MYPN: variants seen among roughly 807,000 people sequenced by gnomAD.
MYPN encodes the protein sarcomeric protein myopalladin, 145 kDa (MYOP).
A neutral mutation model predicts 129.4 loss-of-function variants in MYPN; 63 were observed. The observed-to-expected ratio is 0.49, with a 90% CI of 0.40 to 0.60. MYPN has a LOEUF of 0.60. Ranked by LOEUF, MYPN falls within the 20% of genes least tolerant of loss-of-function variation. The pLI is 0.00. For synonymous variants in MYPN, 629 were observed against 600.9 expected, an observed-to-expected ratio of 1.05 and a Z score of -0.68; for missense variants, 1,596 against 1,635.4, an observed-to-expected ratio of 0.98 and a Z score of 0.42.
chr10:68,148,426 C>T lies in MYPN; in HGVS notation c.1204C>T (p.Gln402Ter), dbSNP rs1187427685. Residue 402 changes from glutamine (Q) to a stop codon, truncating the protein, a stop_gained, in exon 5 of 20, where the codon CAG becomes TAG. Transcript: ENST00000358913. LOFTEE classifies it high-confidence loss of function. ...CATTCCTCCAGCAGTACCCCAAGCC[C>T]AGCATTTGGTGGCCCAACCTCGTGT... The part of the protein sequence containing the change: ...AVIPPAVPQA[Q>*]HLVAQPRVAT... The T allele has an allele frequency of 7.4e-6, 12 of 1,614,178 alleles. No individual in the cohort carries two copies. Among genetic ancestry groups the T allele is most frequent in the Non-Finnish European group, 1.0e-5 (12 of 1,180,000 alleles).
chr10:68,187,018 G>A (rs1325223736), intron 12 of MYPN, among the ~76,000 whole-genome samples: 3 of 152,016 alleles, frequency 2.0e-5, no homozygotes, highest in African/African-American at 7.3e-5. Flanking sequence ...GTGGTCCGAG[G>A]ACCTGTGCCA....
intron 2 of MYPN, among the ~76,000 whole-genome samples, chr10:68,141,380 A>G (rs1475130861): frequency 6.6e-6 from 1 of 152,034 alleles, no homozygotes; most frequent in Non-Finnish European, 1.5e-5. Context: ...AAAAAAAAAA[A>G]AAGAATATTG....
At chr10:68,119,505 G>T (rs970513757) in intron 1 of MYPN, among the ~76,000 whole-genome samples, 1 of 151,868 alleles carries the variant, frequency 6.6e-6, no homozygotes, top group African/African-American at 2.4e-5. Context: ...CCGCTTCCCA[G>T]GTTCAAGTAA....
chr10:68,199,083 T>C (rs2043662586), intron 16 of MYPN, among the ~76,000 whole-genome samples: 1 of 152,190 alleles, frequency 6.6e-6, no homozygotes, highest in Non-Finnish European at 1.5e-5. Flanking sequence ...TGCAGGCCTA[T>C]TATATCTATC....
At chr10:68,178,951 T>C (rs1463539816) in intron 12 of MYPN, among the ~76,000 whole-genome samples, 1 of 152,072 alleles carries the variant, frequency 6.6e-6, no homozygotes, top group Non-Finnish European at 1.5e-5. Flanking sequence ...ATCTCGTTAT[T>C]TGGTCCTCTC....
At chr10:68,156,904 C>T (rs546730900) in intron 6 of MYPN, among the ~76,000 whole-genome samples, 1 of 152,168 alleles carries the variant, frequency 6.6e-6, no homozygotes, top group Non-Finnish European at 1.5e-5. Context: ...TTAATTGTAA[C>T]CTTTTTTATG....
intron 1 of MYPN, 74 bp from the exon 2 acceptor site, chr10:68,121,364 A>C: frequency 7.9e-7 from 1 of 1,261,864 alleles, no homozygotes; most frequent in Non-Finnish European, 1.1e-6. Flanking sequence ...ACGAGTCTGC[A>C]GTGCTATAAT....
rs2042249791 is a variant in MYPN at position 68,121,956 on chromosome 10, T to A, written c.518T>A (p.Ile173Asn). The A allele has an allele frequency of 1.9e-6, 3 of 1,614,200 alleles. No homozygotes were observed. The highest frequency in any genetic ancestry group is 2.5e-6 in the Non-Finnish European group (3 of 1,180,044). The change falls in exon 2 of 20, where the codon ATT (isoleucine) becomes AAT (asparagine). Residue 173 changes from isoleucine (I) to asparagine (N), a missense_variant. Transcript: ENST00000358913. Reference sequence around the variant, plus strand: ...TTCAAATCCCACAGCTCCAAAAGGATTAGACCTCGTGCCTGCAAAAACCAC... The same window carrying A: ...TTCAAATCCCACAGCTCCAAAAGGAATAGACCTCGTGCCTGCAAAAACCAC... The part of the protein sequence containing the change: ...SLFKSHSSKR[I>N]RPRACKNHKS...
At chr10:68,125,232 C>A (rs2042307335) in intron 2 of MYPN, among the ~76,000 whole-genome samples, 1 of 152,118 alleles carries the variant, frequency 6.6e-6, no homozygotes, top group Non-Finnish European at 1.5e-5. Context: ...TGCAAATCTT[C>A]AAATTTAAAA....
chr10:68,119,042 C>T (rs957952023), intron 1 of MYPN, among the ~76,000 whole-genome samples: 7 of 151,964 alleles, frequency 4.6e-5, no homozygotes, highest in Admixed American at 1.3e-4. Flanking sequence ...TTAAACGAGG[C>T]TAAAGAAATA....
upstream of MYPN, among the ~76,000 whole-genome samples, chr10:68,102,996 A>G (rs895838828): frequency 7.2e-5 from 11 of 152,226 alleles, no homozygotes; most frequent in Admixed American, 1.3e-4. Flanking sequence ...AATTACATTG[A>G]ACCATGAATC....
At chr10:68,110,852 G>A (rs1345430307) in intron 1 of MYPN, among the ~76,000 whole-genome samples, 1 of 152,088 alleles carries the variant, frequency 6.6e-6, no homozygotes, top group Non-Finnish European at 1.5e-5. Flanking sequence ...CAAGAAATCT[G>A]AAATATATGG....
intron 2 of MYPN, among the ~76,000 whole-genome samples, chr10:68,133,370 T>C (rs1287081138): frequency 1.3e-5 from 2 of 151,942 alleles, no homozygotes; most frequent in African/African-American, 2.4e-5. Context: ...AGAAAGCATA[T>C]AGATGGAAGA....
chr10:68,130,390 A>G (rs572237629), intron 2 of MYPN, among the ~76,000 whole-genome samples: 131 of 150,264 alleles, frequency 8.7e-4, no homozygotes, highest in African/African-American at 2.3e-3. Flanking sequence ...AACCCGGGAG[A>G]TGGAGGTTAC....
At position 68,175,357 on chromosome 10, in the gene MYPN, T is replaced by A; in HGVS notation, c.2599T>A (p.Ser867Thr). Reference protein sequence around the residue: ...SQGLAKKNTKSPQPVNDDNIR... With the variant: ...SQGLAKKNTKTPQPVNDDNIR... ...GGGATTAGCGAAGAAAAATACAAAG[T>A]CTCCTCAACCAGTGAATGATGATAA... The change falls in exon 12 of 20, where the codon TCT becomes ACT. Residue 867 changes from serine (S) to threonine (T), a missense_variant. Physicochemically the swap from Ser to Thr is moderately conservative, Grantham distance 58. Transcript: ENST00000358913. The A allele has an allele frequency of 6.2e-7, 1 of 1,613,780 alleles. No individual in the cohort carries two copies. Among genetic ancestry groups the A allele is most frequent in the Non-Finnish European group, 8.5e-7 (1 of 1,179,924 alleles).
At chr10:68,148,206 C>G (rs16925161) in intron 4 of MYPN, 147 bp from the exon 5 acceptor site, 1 of 691,448 alleles carries the variant, frequency 1.4e-6, no homozygotes, top group African/African-American at 1.8e-5. Context: ...GCAAAAATGC[C>G]CTTGGTCAAC....
rs1271146904 is a variant in MYPN, at chr10:68,194,525, G to A, written c.3075+13G>A. On this transcript the variant is annotated intron_variant, in intron 14 of 19. Transcript: ENST00000358913. ...AGCCAACCCCCAGGTGGAGACGCAG[G>A]GTTCTGCGCTGTGCTGCACTCTGAG... 2 of 1,612,860 alleles carry A rather than the reference G, an allele frequency of 1.2e-6. No homozygotes were observed. The highest frequency in any genetic ancestry group is 8.5e-7 in the Non-Finnish European group (1 of 1,179,402).
At chr10:68,107,906 C>T (rs868679791), upstream of MYPN, among the ~76,000 whole-genome samples, 2 of 152,138 alleles carry the variant, frequency 1.3e-5, no homozygotes, top group African/African-American at 4.8e-5. Flanking sequence ...GTTCTATTCT[C>T]CCATGGGAGA....
intron 1 of MYPN, among the ~76,000 whole-genome samples, chr10:68,095,189 C>A (rs2041950559): frequency 6.6e-6 from 1 of 151,598 alleles, no homozygotes; most frequent in African/African-American, 2.4e-5. Context: ...ACAAAAAATT[C>A]AAAAATTACC....
Sources: gnomAD v4.1 joint callset for allele counts (sites outside exome capture counted in the v4.1 genomes callset) on GRCh38, gnomAD v4.1.1 for gene constraint, MANE v1.5 for transcripts, NCBI Gene and HGNC (gene_info 2026-07-23, HGNC 2026-07-21) for gene names.